The following IL36B variants were observed in gnomAD, a reference collection of about 807,000 sequenced individuals.
IL36B encodes the protein interleukin-36 beta.
A neutral mutation model predicts 19.3 loss-of-function variants in IL36B; 23 were observed. That is an observed-to-expected ratio of 1.19 (90% CI 0.86 to 1.69). The LOEUF is 1.69. Among genes scored for constraint, IL36B ranks in the 40% most tolerant of loss-of-function variants. The pLI is 0.00. For synonymous variants in IL36B, 59 were observed against 59.7 expected (o/e 0.99, Z 0.05); for missense variants, 217 against 200.5 (o/e 1.08, Z -0.50).
At position 113,028,940 on chromosome 2, in the gene IL36B, T is replaced by C; in HGVS notation, c.260A>G (p.Lys87Arg). Residue 87 changes from lysine (K) to arginine (R), a missense_variant and splice_region_variant, in exon 4 of 6, where the codon AAG becomes AGG. By Grantham distance (26) the Lys-to-Arg change is conservative. Coordinates refer to ENST00000259213, the MANE Select transcript of IL36B (RefSeq NM_014438.5). Reference sequence around the variant, plus strand: ...CTCGTTAGCTGCACAATCACTCACCTTAAGCTGCAAAGTAGGCTTGCCCTG... The same window carrying C: ...CTCGTTAGCTGCACAATCACTCACCCTAAGCTGCAAAGTAGGCTTGCCCTG... The C allele has an allele frequency of 4.3e-6, 7 of 1,613,902 alleles. No homozygotes were observed. The highest frequency in any genetic ancestry group is 5.9e-6 in the Non-Finnish European group (7 of 1,179,916).
intron 5 of IL36B, among the ~76,000 whole-genome samples, chr2:113,025,917 A>C (rs1684949811): frequency 6.6e-6 from 1 of 152,214 alleles, no homozygotes; most frequent in Non-Finnish European, 1.5e-5. Context: ...CCTAGGGAAC[A>C]TGAGAAGGGA....
rs537420201 is a variant in IL36B, at chr2:113,031,563, G to A, written c.13+134C>T. 3.9e-4 allele frequency: 283 copies of A among 731,184 alleles called. 1 individual carries two copies. The East Asian group carries it at 6.1e-3, about 16-fold the overall frequency. 45.3% of individuals were successfully genotyped at this position (731,184 alleles called of 1,614,324 possible). ...AGGTGCCCCGAGATTTTCAAAGGCCGTTTTAGGAACTGAGTGTTTTAGCAA... is the reference window on the plus strand; with the variant it reads ...AGGTGCCCCGAGATTTTCAAAGGCCATTTTAGGAACTGAGTGTTTTAGCAA... On this transcript the variant is annotated intron_variant, in intron 2 of 5. Transcript: ENST00000259213.
chr2:113,039,623 T>TA (rs1241767672), intron 1 of IL36B, among the ~76,000 whole-genome samples: 1 of 150,834 alleles, frequency 6.6e-6, no homozygotes, highest in African/African-American at 2.4e-5. Flanking sequence ...GTTGAAGCCA[T>TA]AAAGGGAAGG....
intron 1 of IL36B, among the ~76,000 whole-genome samples, chr2:113,052,231 C>A (rs964279328): frequency 1.3e-5 from 2 of 152,056 alleles, no homozygotes; most frequent in Non-Finnish European, 2.9e-5. Flanking sequence ...ATTACAGGTG[C>A]GAGCCACTGC....
At chr2:113,022,805 G>A (rs371066689) in intron 5 of IL36B, 7 of 1,461,392 alleles carry the variant, frequency 4.8e-6, no homozygotes, top group Non-Finnish European at 6.7e-6. Context: ...TATCTCCTAG[G>A]CTTAGCAAGA....
rs919308758 is a variant in IL36B, at chr2:113,026,098, C to T, written c.391+5G>A. The T allele has an allele frequency of 3.1e-6, 5 of 1,613,130 alleles. No individual in the cohort carries two copies. Among genetic ancestry groups the T allele is most frequent in the East Asian group, 2.2e-5 (1 of 44,890 alleles). The stretch of plus-strand genomic sequence containing the variant: ...GTGGGATGGATAAGAGAATTTGCTC[C>T]TCACCCACTCCTATTCCCCATTGGT... On this transcript the variant is annotated splice_donor_5th_base_variant and intron_variant, in intron 5 of 5. Transcript: ENST00000259213.
At chr2:113,041,224 A>T (rs983476516) in intron 1 of IL36B, among the ~76,000 whole-genome samples, 1 of 152,208 alleles carries the variant, frequency 6.6e-6, no homozygotes, top group Non-Finnish European at 1.5e-5. Context: ...TGATCCAAGA[A>T]ATCACTATCT....
At chr2:113,027,848 C>G in intron 4 of IL36B, 1 of 1,600,570 alleles carries the variant, frequency 6.2e-7, no homozygotes, top group East Asian at 2.2e-5. Context: ...GTTAAGATGA[C>G]TCTGACAGCT....
intron 5 of IL36B, among the ~76,000 whole-genome samples, chr2:113,024,456 C>G (rs1247020169): frequency 6.6e-6 from 1 of 152,132 alleles, no homozygotes; most frequent in Non-Finnish European, 1.5e-5. Context: ...CTTAGGAAAC[C>G]CACATTGTTT....
At chr2:113,028,137 G>A in intron 4 of IL36B, 22 bp from the exon 5 acceptor site, 1 of 1,602,528 alleles carries the variant, frequency 6.2e-7, no homozygotes, top group South Asian at 1.1e-5. Flanking sequence ...AAAGAGGCTT[G>A]TTAGAGAGGA....
intron 1 of IL36B, among the ~76,000 whole-genome samples, chr2:113,043,615 G>A (rs192012850): frequency 6.6e-6 from 1 of 152,170 alleles, no homozygotes; most frequent in African/African-American, 2.4e-5. Flanking sequence ...AGGCTGGAGT[G>A]CATGGCACGA....
At chr2:113,033,951 C>T (rs756432072) in intron 1 of IL36B, among the ~76,000 whole-genome samples, 2 of 152,186 alleles carry the variant, frequency 1.3e-5, no homozygotes, top group Non-Finnish European at 2.9e-5. Context: ...TCTTGGAAAT[C>T]CACCATTGAC....
chr2:113,033,535 G>A (rs35636595), intron 1 of IL36B, among the ~76,000 whole-genome samples: 1,531 of 152,232 alleles, frequency 0.01, 23 homozygotes, highest in African/African-American at 0.034. Flanking sequence ...CACTGCACCC[G>A]TCCCACACAC....
At chr2:113,048,194 A>T (rs1306705066) in intron 1 of IL36B, among the ~76,000 whole-genome samples, 1 of 152,198 alleles carries the variant, frequency 6.6e-6, no homozygotes, top group African/African-American at 2.4e-5. Flanking sequence ...TAATCACTTG[A>T]ATCACTTGAG....
chr2:113,028,321 C>T (rs1275868341), intron 4 of IL36B, among the ~76,000 whole-genome samples: 1 of 152,166 alleles, frequency 6.6e-6, no homozygotes, highest in Non-Finnish European at 1.5e-5. Flanking sequence ...CCAGGATCCT[C>T]TGACACAAGG....
chr2:113,023,167 C>A (rs1276149596), intron 5 of IL36B, among the ~76,000 whole-genome samples: 1 of 152,198 alleles, frequency 6.6e-6, no homozygotes, highest in Admixed American at 6.5e-5. Flanking sequence ...TACCTACCAA[C>A]CTTCAACATT....
intron 1 of IL36B, among the ~76,000 whole-genome samples, chr2:113,036,381 T>A (rs1573371789): frequency 6.8e-6 from 1 of 147,534 alleles, no homozygotes; most frequent in African/African-American, 2.5e-5. Context: ...ATGAAGTGGG[T>A]GCTGAGTCTC....
In IL36B at chr2:113,022,637, A is replaced by G. The variant is rs1235689987; in HGVS notation, c.*37T>C. 7.5e-7 allele frequency: 1 copy of G among 1,327,848 alleles called. No individual in the cohort carries two copies. Among genetic ancestry groups the G allele is most frequent in the Non-Finnish European group, 1.1e-6 (1 of 919,990 alleles). The allele number at this position is 1,327,848 out of a possible 1,614,324, so 82.3% of individuals were successfully genotyped here. A position where few individuals can be genotyped will look rare whatever the true frequency, so the allele number is the denominator to read the frequency against. On this transcript the variant is annotated 3_prime_UTR_variant, in exon 6 of 6. Transcript: ENST00000259213. ...CATTTCATTGATAGCAAACCCACTCAAAGATTGTAGAGATGGGAATCTTCC... is the reference window on the plus strand; with the variant it reads ...CATTTCATTGATAGCAAACCCACTCGAAGATTGTAGAGATGGGAATCTTCC...
chr2:113,041,156 C>CAAA (rs11405890), intron 1 of IL36B, among the ~76,000 whole-genome samples: 4,823 of 132,708 alleles, frequency 0.036, 86 homozygotes, highest in African/African-American at 0.057. Flanking sequence ...GACTTTGCCA[C>CAAA]ACACAAAAAA....
Sources: gnomAD v4.1 joint callset for allele counts (sites outside exome capture counted in the v4.1 genomes callset) on GRCh38, gnomAD v4.1.1 for gene constraint, MANE v1.5 for transcripts, NCBI Gene and HGNC (gene_info 2026-07-23, HGNC 2026-07-21) for gene names.